Variants in MOB1B observed in about 807,000 individuals in gnomAD.
MOB1B encodes MOB1 Mps One Binder homolog B.
MOB1B carries 19 observed loss-of-function variants against 24.4 expected under a neutral mutation model. The observed-to-expected ratio is 0.78, with a 90% CI of 0.54 to 1.14. The LOEUF (loss-of-function observed/expected upper bound fraction) is 1.14, where lower values mean the gene tolerates loss of function less well. Among genes scored for constraint, MOB1B ranks in the 50% most tolerant of loss-of-function variants. The probability of loss-of-function intolerance (pLI) is 0.00; values close to 1 mark genes in which losing one functional copy is unlikely to be tolerated. For missense variants in MOB1B, 243 were observed against 259.6 expected (o/e 0.94, Z 0.44); for synonymous variants, 76 against 82.1 (o/e 0.93, Z 0.40).
chr4:70,970,051 T>C, intron 3 of MOB1B, 27 bp downstream of exon 3: 1 of 1,295,282 alleles, frequency 7.7e-7, no homozygotes, highest in Non-Finnish European at 1.1e-6. Context: ...GATCAGTTTC[T>C]TATTTTTACA....
chr4:70,946,081 G>GTTTT (rs1560648567), intron 1 of MOB1B, among the ~76,000 whole-genome samples: 1 of 85,186 alleles, frequency 1.2e-5, no homozygotes, highest in Non-Finnish European at 2.4e-5. Context: ...GTTTTTGTTT[G>GTTTT]TTCTTTTTTT....
chr4:70,952,529 G>A (rs1341015083), intron 1 of MOB1B, among the ~76,000 whole-genome samples: 1 of 151,260 alleles, frequency 6.6e-6, no homozygotes, highest in Non-Finnish European at 1.5e-5. Flanking sequence ...TGTAGACCCA[G>A]CTACTTGGGA....
chr4:70,913,458 C>T (rs182906705), intron 1 of MOB1B, among the ~76,000 whole-genome samples: 9 of 152,060 alleles, frequency 5.9e-5, no homozygotes, highest in South Asian at 2.1e-4. Flanking sequence ...CGCCACACCC[C>T]GCTAATTTTT....
chr4:70,957,753 A>ATTT (rs10706196), intron 1 of MOB1B, among the ~76,000 whole-genome samples: 1 of 121,170 alleles, frequency 8.3e-6, no homozygotes, highest in South Asian at 2.6e-4. Context: ...TCCCTGCCTT[A>ATTT]TTTTTTTTTT....
intron 1 of MOB1B, among the ~76,000 whole-genome samples, chr4:70,908,629 G>C (rs1057004831): frequency 6.7e-6 from 1 of 148,608 alleles, no homozygotes; most frequent in African/African-American, 2.5e-5. Flanking sequence ...AAAAAAATTA[G>C]TCAGACATGG....
At chr4:70,916,884 A>G (rs915801402) in intron 1 of MOB1B, among the ~76,000 whole-genome samples, 3 of 152,170 alleles carry the variant, frequency 2.0e-5, no homozygotes, top group East Asian at 1.9e-4. Flanking sequence ...CTGAATTTCT[A>G]TAATCTTCAT....
intron 1 of MOB1B, among the ~76,000 whole-genome samples, chr4:70,923,803 A>T (rs1736536810): frequency 6.6e-6 from 1 of 151,822 alleles, no homozygotes; most frequent in Admixed American, 6.6e-5. Flanking sequence ...CAAAAAAATG[A>T]GCTGGGCCTG....
At position 70,935,977 on chromosome 4, in the gene MOB1B, A is replaced by G. The variant is rs1041759260; in HGVS notation, c.15-22897A>G. On this transcript the variant is annotated intron_variant, in intron 1 of 5. Coordinates refer to ENST00000309395, the MANE Select transcript of MOB1B (RefSeq NM_173468.4). Reference sequence around the variant, plus strand: ...CGCCATTCTCCTGCCTCAGCCTCCCAAGTAGCTGGGACTACAGGCGCCCAC... The same window carrying G: ...CGCCATTCTCCTGCCTCAGCCTCCCGAGTAGCTGGGACTACAGGCGCCCAC... Among the ~76,000 whole-genome samples the G allele has an allele frequency of 6.8e-5, 10 of 146,496 alleles. No individual in the cohort carries two copies. In the East Asian group the frequency reaches 1.4e-3, roughly 21 times the overall value.
At chr4:70,960,348 T>C (rs1039310090) in intron 2 of MOB1B, among the ~76,000 whole-genome samples, 6 of 152,170 alleles carry the variant, frequency 3.9e-5, no homozygotes, top group African/African-American at 1.4e-4. Flanking sequence ...TCAGCGTTTT[T>C]CAACATTAGT....
intron 3 of MOB1B, among the ~76,000 whole-genome samples, chr4:70,972,406 G>C (rs1006422878): frequency 2.4e-4 from 36 of 151,940 alleles, no homozygotes; most frequent in Non-Finnish European, 4.1e-4. Flanking sequence ...TATAGACGGG[G>C]TTTCATCATG....
chr4:70,944,298 G>A (rs1311066623), intron 1 of MOB1B, among the ~76,000 whole-genome samples: 1 of 152,220 alleles, frequency 6.6e-6, no homozygotes, highest in South Asian at 2.1e-4. Flanking sequence ...GCCTCCCAAA[G>A]TGCTGGGTTT....
rs1464378923 is a variant in MOB1B, at chr4:70,984,513, T to C, written c.*2456T>C. The stretch of plus-strand genomic sequence containing the variant: ...TCTTTTTGGATTTCTTTAATTAATT[T>C]GTAAGTAACCAAGATAATTATTTTC... On this transcript the variant is annotated 3_prime_UTR_variant, in exon 6 of 6. Coordinates refer to ENST00000309395, the MANE Select transcript of MOB1B (RefSeq NM_173468.4). 1 of 152,220 alleles carries C rather than the reference T, an allele frequency of 6.6e-6. No homozygotes were observed. The highest frequency in any genetic ancestry group is 1.9e-4 in the East Asian group (1 of 5,200). The allele number at this position is 152,220 out of a possible 1,614,324, so 9.4% of individuals were successfully genotyped here. A position where few individuals can be genotyped will look rare whatever the true frequency, so the allele number is the denominator to read the frequency against.
intron 1 of MOB1B, among the ~76,000 whole-genome samples, chr4:70,910,492 G>T (rs990836806): frequency 6.6e-6 from 1 of 151,146 alleles, no homozygotes. Flanking sequence ...TTTCTTAAAG[G>T]TGATATTCAA....
At chr4:70,949,027 C>T (rs2148888911) in intron 1 of MOB1B, among the ~76,000 whole-genome samples, 1 of 152,332 alleles carries the variant, frequency 6.6e-6, no homozygotes, top group Non-Finnish European at 1.5e-5. Context: ...TCAGGGTCCT[C>T]TCCCGTAGTC....
At chr4:70,976,797 G>A (rs1739025716) in intron 4 of MOB1B, 1 of 192,630 alleles carries the variant, frequency 5.2e-6, no homozygotes, top group South Asian at 1.8e-4. Context: ...AATCATAAGG[G>A]TTGGATGAGT....
At chr4:70,904,140 G>A (rs1735642332) in intron 1 of MOB1B, among the ~76,000 whole-genome samples, 2 of 151,204 alleles carry the variant, frequency 1.3e-5, no homozygotes, top group South Asian at 2.1e-4. Context: ...GCGCCACCAC[G>A]CCTGGCTAAT....
chr4:70,971,002 C>T (rs1305848435), intron 3 of MOB1B, among the ~76,000 whole-genome samples: 2 of 152,236 alleles, frequency 1.3e-5, no homozygotes, highest in Admixed American at 6.5e-5. Flanking sequence ...CCTCCATTTA[C>T]ACCTCTTCCT....
chr4:70,976,753 C>CATATATATATATATATATATATAT (rs376072053), intron 4 of MOB1B: 18 of 181,536 alleles, frequency 9.9e-5, no homozygotes, highest in African/African-American at 4.6e-4. Context: ...GACTGAATTA[C>CATATATATATATATATATATATAT]ATATATATAT....
intron 1 of MOB1B, among the ~76,000 whole-genome samples, chr4:70,949,080 A>G (rs1737693408): frequency 6.6e-6 from 1 of 152,170 alleles, no homozygotes; most frequent in African/African-American, 2.4e-5. Context: ...TCTTACCTTC[A>G]TAGAGACCTC....
Sources: allele counts gnomAD v4.1 joint callset (sites outside exome capture counted in the v4.1 genomes callset), GRCh38; gene constraint gnomAD v4.1.1; transcripts MANE v1.5; gene names NCBI Gene and HGNC (gene_info 2026-07-23, HGNC 2026-07-21).